The following SLC14A2 variants were observed in gnomAD, a reference collection of about 807,000 sequenced individuals.
The protein encoded by SLC14A2 is urea transporter 2.
In SLC14A2, 91 loss-of-function variants were observed where a neutral mutation model predicts 104.6. The ratio of observed to expected loss-of-function variants is 0.87; its 90% confidence interval spans 0.73 to 1.04. The LOEUF is 1.04. SLC14A2 is among the 50% of genes least tolerant of loss of function. The pLI is 0.00. For missense variants in SLC14A2, 1,189 were observed against 1,156.0 expected, an observed-to-expected ratio of 1.03 and a Z score of -0.41; for synonymous variants, 476 against 466.4, an observed-to-expected ratio of 1.02 and a Z score of -0.27.
intron 1 of SLC14A2, among the ~76,000 whole-genome samples, chr18:45,220,888 G>C (rs2084055059): frequency 6.6e-6 from 1 of 152,090 alleles, no homozygotes; most frequent in Non-Finnish European, 1.5e-5. Context: ...GTTTACAGAG[G>C]GCTACCTCCT....
At chr18:45,186,389 A>G in the SLC14A2 span, among the ~76,000 whole-genome samples, 1 of 152,130 alleles carries the variant, frequency 6.6e-6, no homozygotes, top group Non-Finnish European at 1.5e-5. Context: ...TATGGTACGA[A>G]ACAACTGAAT....
chr18:45,290,428 A>G (rs183389587), intron 1 of SLC14A2, among the ~76,000 whole-genome samples: 32 of 152,290 alleles, frequency 2.1e-4, no homozygotes, highest in South Asian at 1.5e-3. Flanking sequence ...GAGGCATTTG[A>G]TGGGTTGGGC....
At chr18:45,600,956 A>C (rs893930580) in intron 2 of SLC14A2, among the ~76,000 whole-genome samples, 1 of 152,188 alleles carries the variant, frequency 6.6e-6, no homozygotes, top group Non-Finnish European at 1.5e-5. Flanking sequence ...TCCTCATTTG[A>C]GGGAACTCAT....
intron 2 of SLC14A2, among the ~76,000 whole-genome samples, chr18:45,536,692 T>A (rs1211717075): frequency 1.3e-5 from 2 of 151,994 alleles, no homozygotes; most frequent in Non-Finnish European, 2.9e-5. Flanking sequence ...CTTAAACATA[T>A]CTTTTGGGGG....
At chr18:45,247,969 A>G (rs949009684) in intron 1 of SLC14A2, among the ~76,000 whole-genome samples, 4 of 152,162 alleles carry the variant, frequency 2.6e-5, no homozygotes, top group African/African-American at 4.8e-5. Flanking sequence ...TCCAGCATCC[A>G]GTTGAGCTCT....
chr18:45,465,184 G>A (rs954433538), intron 1 of SLC14A2, among the ~76,000 whole-genome samples: 5 of 152,174 alleles, frequency 3.3e-5, no homozygotes, highest in Admixed American at 3.3e-4. Context: ...GAAAGAAACG[G>A]AGAGAAGAAA....
At chr18:45,525,154 CAA>C (rs982938298) in intron 2 of SLC14A2, among the ~76,000 whole-genome samples, 1 of 139,446 alleles carries the variant, frequency 7.2e-6, no homozygotes, top group Non-Finnish European at 1.6e-5. Flanking sequence ...CACACACACA[CAA>C]AACTCTCCTC....
At chr18:45,310,591 G>A (rs918928194) in intron 1 of SLC14A2, among the ~76,000 whole-genome samples, 6 of 152,204 alleles carry the variant, frequency 3.9e-5, no homozygotes, top group African/African-American at 1.2e-4. Flanking sequence ...ACTATCCTAG[G>A]TGCCATGGGG....
chr18:45,222,915 C>G (rs556946282), intron 1 of SLC14A2, among the ~76,000 whole-genome samples: 1 of 152,070 alleles, frequency 6.6e-6, no homozygotes, highest in Non-Finnish European at 1.5e-5. Context: ...CAGCTGAGGC[C>G]GCAGAAAACC....
intron 1 of SLC14A2, among the ~76,000 whole-genome samples, chr18:45,439,868 C>T (rs1176546981): frequency 6.6e-6 from 1 of 152,306 alleles, no homozygotes; most frequent in African/African-American, 2.4e-5. Flanking sequence ...TTCCCTCAGG[C>T]TCTACCCTGC....
intron 1 of SLC14A2, among the ~76,000 whole-genome samples, chr18:45,270,926 G>A (rs1022358669): frequency 2.0e-5 from 3 of 152,104 alleles, no homozygotes; most frequent in Admixed American, 6.6e-5. Context: ...AAGTGAGAAA[G>A]CCTGAAAGAA....
At chr18:45,450,177 A>G (rs946014763) in intron 1 of SLC14A2, among the ~76,000 whole-genome samples, 1 of 152,258 alleles carries the variant, frequency 6.6e-6, no homozygotes, top group Admixed American at 6.5e-5. Flanking sequence ...AGTCCAAGAC[A>G]GAGTCAGACA....
At chr18:45,475,674 T>TATATATATATATAG (rs2087363558) in intron 1 of SLC14A2, among the ~76,000 whole-genome samples, 1 of 99,502 alleles carries the variant, frequency 1.0e-5, no homozygotes, top group Admixed American at 1.1e-4. Context: ...TATATATATA[T>TATATATATATATAG]ATATATATAT....
intron 19 of SLC14A2, among the ~76,000 whole-genome samples, chr18:45,680,278 G>A (rs182727087): frequency 1.1e-4 from 17 of 152,306 alleles, no homozygotes; most frequent in Admixed American, 7.8e-4. Context: ...AGGAAGCTGC[G>A]ATTCCTGATC....
At chr18:45,626,427 C>G (rs767737952) in intron 3 of SLC14A2, among the ~76,000 whole-genome samples, 15 of 152,266 alleles carry the variant, frequency 9.9e-5, no homozygotes, top group South Asian at 4.1e-4. Flanking sequence ...GAATGTACGC[C>G]CCTCTCCTAT....
At chr18:45,576,422 T>A (rs35566279) in intron 2 of SLC14A2, among the ~76,000 whole-genome samples, 57,322 of 151,674 alleles carry the variant, frequency 0.38, 11,217 homozygotes, top group East Asian at 0.63. Flanking sequence ...TAGCTGGGAC[T>A]ACAGGCACAC....
chr18:45,682,524 C>A lies in SLC14A2; in HGVS notation c.*5C>A. 1 of 1,612,620 alleles carries A rather than the reference C, an allele frequency of 6.2e-7. No individual in the cohort carries two copies. The highest frequency in any genetic ancestry group is 8.5e-7 in the Non-Finnish European group (1 of 1,178,620). On this transcript the variant is annotated 3_prime_UTR_variant, in exon 20 of 20. Coordinates refer to ENST00000255226, the MANE Select transcript of SLC14A2 (RefSeq NM_007163.4). ...CAGGCCTACGATGTCTCCTAAGTTT[C>A]CCTGTCTAAAACACATCAGTGTAAA... is the stretch of plus-strand genomic sequence containing the variant.
intron 12 of SLC14A2, 127 bp downstream of exon 12, chr18:45,666,346 C>A: frequency 1.6e-6 from 1 of 634,280 alleles, no homozygotes; most frequent in South Asian, 2.1e-5. Context: ...TTCGTATTTT[C>A]TGAAATGTAA....
intron 2 of SLC14A2, among the ~76,000 whole-genome samples, chr18:45,495,352 G>A (rs1457991255): frequency 6.6e-6 from 1 of 152,142 alleles, no homozygotes; most frequent in Non-Finnish European, 1.5e-5. Context: ...AATGGCCGGG[G>A]CCTCAAAGCA....
Sources: allele counts gnomAD v4.1 joint callset (sites outside exome capture counted in the v4.1 genomes callset), GRCh38; gene constraint gnomAD v4.1.1; transcripts MANE v1.5; gene names NCBI Gene and HGNC (gene_info 2026-07-23, HGNC 2026-07-21).